The following SPOP variants were observed in gnomAD, a reference collection of about 807,000 sequenced individuals.
SPOP encodes the protein speckle type BTB/POZ protein.
In SPOP, 11 loss-of-function variants were observed where a neutral mutation model predicts 45.6. The observed-to-expected ratio is 0.24, with a 90% confidence interval of 0.15 to 0.40. The LOEUF (loss-of-function observed/expected upper bound fraction) is 0.40. Ranked by LOEUF, SPOP falls within the 10% of genes least tolerant of loss-of-function variation. SPOP has a pLI of 1.00. For synonymous variants in SPOP, 166 were observed against 166.3 expected (o/e 1.00, Z 0.01); for missense variants, 152 against 465.6 (o/e 0.33, Z 6.20).
intron 1 of SPOP, among the ~76,000 whole-genome samples, chr17:49,673,245 C>T (rs2073158887): frequency 6.6e-6 from 1 of 152,166 alleles, no homozygotes; most frequent in Non-Finnish European, 1.5e-5. Flanking sequence ...GTGGCTCACG[C>T]CTGTAATCCC....
chr17:49,612,679 G>C (rs1473810849), intron 5 of SPOP: 1 of 152,164 alleles, frequency 6.6e-6, no homozygotes, highest in African/African-American at 2.4e-5. Flanking sequence ...CTGTAGATAG[G>C]ACACTGCAGA....
At chr17:49,660,121 G>C (rs529619459) in intron 1 of SPOP, among the ~76,000 whole-genome samples, 1 of 152,318 alleles carries the variant, frequency 6.6e-6, no homozygotes, top group African/African-American at 2.4e-5. Context: ...CTAACAAACA[G>C]CTAAGAGTGA....
Position 49,657,848 on chromosome 17 carries a change from C to T in SPOP, c.-67+20085G>A, listed in dbSNP as rs570460007. ...TCCTGAGTAGCTGGGACTACAGCAG[C>T]GTGTCACCACACCCAGCTAATTTTT... is the stretch of plus-strand genomic sequence containing the variant. On this transcript the variant is annotated intron_variant, in intron 1 of 9. Coordinates refer to ENST00000504102, the MANE Select transcript of SPOP (RefSeq NM_001007228.2). Among the ~76,000 whole-genome samples, 25 of 151,986 alleles carry T rather than the reference C, an allele frequency of 1.6e-4. No individual in the cohort carries two copies. In the East Asian group the frequency reaches 4.6e-3, roughly 28 times the overall value.
rs531631775 is a variant in SPOP, at chr17:49,651,747, G to A, written c.-67+26186C>T. 1.8e-4 allele frequency among the ~76,000 whole-genome samples: 28 copies of A among 152,252 alleles called. No homozygotes were observed. The South Asian group carries it at 5.8e-3, about 32-fold the overall frequency. On this transcript the variant is annotated intron_variant, in intron 1 of 9. Coordinates refer to ENST00000504102, the MANE Select transcript of SPOP (RefSeq NM_001007228.2). ...AATTTTGGAAGAATAGGCCCAACAC[G>A]ATGGCTCATGCCTGTAATCCCAACA...
chr17:49,649,782 T>C (rs949442837), intron 1 of SPOP, among the ~76,000 whole-genome samples: 4 of 151,762 alleles, frequency 2.6e-5, no homozygotes, highest in Non-Finnish European at 4.4e-5. Flanking sequence ...TGAGCCGACA[T>C]TGAGCCACTG....
intron 1 of SPOP, chr17:49,668,122 T>C (rs555014125): frequency 2.1e-4 from 32 of 152,210 alleles, no homozygotes; most frequent in African/African-American, 7.7e-4. Flanking sequence ...GAGTACAGAG[T>C]TTCCGTATTG....
intron 1 of SPOP, among the ~76,000 whole-genome samples, chr17:49,653,336 C>T (rs1457216003): frequency 6.6e-6 from 1 of 151,822 alleles, no homozygotes; most frequent in Admixed American, 6.6e-5. Flanking sequence ...TCTCTAAAGC[C>T]TTTAGAGAGG....
Position 49,600,224 on chromosome 17 carries a change from A to T in SPOP, c.*154T>A. On this transcript the variant is annotated 3_prime_UTR_variant, in exon 10 of 10. Transcript: ENST00000504102. The surrounding 1 kb of genome is among the most constrained non-coding windows in gnomAD (Gnocchi z 4.2). ...TCCCCCCGTTTCCCCCAAGTTATTTAGTGCTGTTTTAAAAGTCTGGGGCCA... is the reference window on the plus strand; with the variant it reads ...TCCCCCCGTTTCCCCCAAGTTATTTTGTGCTGTTTTAAAAGTCTGGGGCCA... 1.1e-6 allele frequency: 1 copy of T among 945,788 alleles called. No individual in the cohort carries two copies. The highest frequency in any genetic ancestry group is 1.6e-6 in the Non-Finnish European group (1 of 623,980). The allele number at this position is 945,788 out of a possible 1,614,324, so 58.6% of individuals were successfully genotyped here.
At chr17:49,627,220 G>A (rs1476688244) in intron 1 of SPOP, among the ~76,000 whole-genome samples, 1 of 152,196 alleles carries the variant, frequency 6.6e-6, no homozygotes, top group Non-Finnish European at 1.5e-5. Context: ...ACTTAAGCTA[G>A]CAACCTAAGC....
intron 1 of SPOP, among the ~76,000 whole-genome samples, chr17:49,628,742 G>A (rs573336182): frequency 1.3e-5 from 2 of 152,278 alleles, no homozygotes; most frequent in African/African-American, 2.4e-5. Context: ...TCCGATAAGT[G>A]GATATTCAAC....
At chr17:49,635,307 T>C (rs2072521607) in intron 1 of SPOP, among the ~76,000 whole-genome samples, 1 of 152,100 alleles carries the variant, frequency 6.6e-6, no homozygotes, top group Non-Finnish European at 1.5e-5. Context: ...GCAGACAAAA[T>C]AGGGAAGGTT....
intron 1 of SPOP, among the ~76,000 whole-genome samples, chr17:49,654,974 A>G (rs1323704446): frequency 6.6e-6 from 1 of 152,170 alleles, no homozygotes; most frequent in Non-Finnish European, 1.5e-5. Context: ...GCATCCTAAG[A>G]GGGCCTGTCA....
chr17:49,607,491 A>G (rs1033952537), intron 7 of SPOP, 119 bp from the exon 8 acceptor site: 6 of 1,281,242 alleles, frequency 4.7e-6, no homozygotes, highest in Non-Finnish European at 6.2e-6. Flanking sequence ...AAAACCTAAC[A>G]TTAATGGAAA....
intron 1 of SPOP, among the ~76,000 whole-genome samples, chr17:49,627,442 G>C (rs1263162644): frequency 6.6e-6 from 1 of 152,130 alleles, no homozygotes; most frequent in Non-Finnish European, 1.5e-5. Flanking sequence ...TGGCCAGAAT[G>C]AAATTTCAAA....
intron 8 of SPOP, 61 bp downstream of exon 8, chr17:49,607,189 C>T: frequency 1.2e-6 from 2 of 1,608,672 alleles, no homozygotes; most frequent in Non-Finnish European, 1.7e-6. Context: ...GAATCCTGTT[C>T]ATGAAACACA....
chr17:49,607,130 G>T, intron 8 of SPOP, 120 bp downstream of exon 8: 1 of 1,293,320 alleles, frequency 7.7e-7, no homozygotes, highest in Non-Finnish European at 1.1e-6. Context: ...AACCAGGACC[G>T]TCTTGGCCAA....
At chr17:49,673,285 C>A (rs945510667) in intron 1 of SPOP, among the ~76,000 whole-genome samples, 3 of 152,090 alleles carry the variant, frequency 2.0e-5, no homozygotes, top group Non-Finnish European at 2.9e-5. Flanking sequence ...GTGGGTGGAT[C>A]ACGAGGTCAG....
At position 49,677,924 on chromosome 17, in the gene SPOP, C is replaced by T; in HGVS notation, c.-67+9G>A. On this transcript the variant is annotated intron_variant, in intron 1 of 9. Coordinates refer to ENST00000504102, the MANE Select transcript of SPOP (RefSeq NM_001007228.2). Reference sequence around the variant, plus strand: ...AACCCCCTCCCTCGACTCTCCTCCCCCCACTCACCTGAGAGCGGCGGCGAC... The same window carrying T: ...AACCCCCTCCCTCGACTCTCCTCCCTCCACTCACCTGAGAGCGGCGGCGAC... 1 of 393,400 alleles carries T rather than the reference C, an allele frequency of 2.5e-6. No homozygotes were observed. The highest frequency in any genetic ancestry group is 4.5e-6 in the Non-Finnish European group (1 of 222,954). The allele number at this position is 393,400 out of a possible 1,614,324, so 24.4% of individuals were successfully genotyped here.
At chr17:49,623,438 G>T (rs999251173) in intron 1 of SPOP, among the ~76,000 whole-genome samples, 1 of 152,146 alleles carries the variant, frequency 6.6e-6, no homozygotes, top group Non-Finnish European at 1.5e-5. Flanking sequence ...TTTATTCAAA[G>T]GGTATTTAAA....
Sources: gnomAD v4.1 joint callset for allele counts (sites outside exome capture counted in the v4.1 genomes callset) on GRCh38, gnomAD v4.1.1 for gene constraint, Gnocchi (gnomAD v3.1) non-coding constraint, MANE v1.5 for transcripts, NCBI Gene and HGNC (gene_info 2026-07-23, HGNC 2026-07-21) for gene names.